The following LYPLAL1 variants were observed in gnomAD, a reference collection of about 807,000 sequenced individuals.
The protein encoded by LYPLAL1 is lysophospholipase-like protein 1.
LYPLAL1 carries 23 observed loss-of-function variants against 19.7 expected under a neutral mutation model. The observed-to-expected ratio is 1.17, with a 90% CI of 0.84 to 1.65. The LOEUF is 1.65. LYPLAL1 is among the 40% of genes most tolerant of loss of function. The pLI is 0.00. For missense variants in LYPLAL1, 355 were observed against 279.4 expected, an observed-to-expected ratio of 1.27 and a Z score of -1.93; for synonymous variants, 119 against 96.3, an observed-to-expected ratio of 1.24 and a Z score of -1.38.
the LYPLAL1 span, among the ~76,000 whole-genome samples, chr1:219,235,887 G>T: frequency 1.3e-5 from 2 of 152,122 alleles, no homozygotes; most frequent in African/African-American, 2.4e-5. Flanking sequence ...CCAAAGACAT[G>T]GTTCTGAGGT....
At chr1:219,324,130 A>G in the LYPLAL1 span, among the ~76,000 whole-genome samples, 1 of 152,192 alleles carries the variant, frequency 6.6e-6, no homozygotes, top group Non-Finnish European at 1.5e-5. Flanking sequence ...TTACCCTACA[A>G]GAAAACAGAA....
chr1:219,184,171 A>G (rs1656528657), intron 2 of LYPLAL1, among the ~76,000 whole-genome samples: 2 of 151,912 alleles, frequency 1.3e-5, no homozygotes, highest in African/African-American at 4.8e-5. Flanking sequence ...ATACATACAC[A>G]TGGTATGTCT....
chr1:219,391,106 G>T, the LYPLAL1 span, among the ~76,000 whole-genome samples: 1 of 152,136 alleles, frequency 6.6e-6, no homozygotes, highest in Non-Finnish European at 1.5e-5. Flanking sequence ...GCCTGGTCAA[G>T]AATAAAAGGT....
chr1:219,256,520 A>T, the LYPLAL1 span, among the ~76,000 whole-genome samples: 1 of 150,274 alleles, frequency 6.7e-6, no homozygotes, highest in Admixed American at 6.7e-5. Flanking sequence ...TAGTGCTGCT[A>T]CTTTTCCTTT....
the LYPLAL1 span, among the ~76,000 whole-genome samples, chr1:219,281,053 T>A: frequency 1.3e-5 from 2 of 151,986 alleles, no homozygotes; most frequent in African/African-American, 4.8e-5. Context: ...TCTCAAAAAA[T>A]AAATAAATAA....
At chr1:219,177,641 A>C (rs1292701243) in intron 1 of LYPLAL1, among the ~76,000 whole-genome samples, 33 of 152,174 alleles carry the variant, frequency 2.2e-4, no homozygotes, top group Non-Finnish European at 2.9e-5. Context: ...GACCCTTTAT[A>C]ACAAATCCGT....
At chr1:219,358,668 G>A in the LYPLAL1 span, among the ~76,000 whole-genome samples, 5 of 152,130 alleles carry the variant, frequency 3.3e-5, no homozygotes, top group Non-Finnish European at 7.4e-5. Flanking sequence ...TTCACTATCA[G>A]GAGAACAGCA....
the LYPLAL1 span, among the ~76,000 whole-genome samples, chr1:219,314,329 G>T: frequency 6.6e-6 from 1 of 152,200 alleles, no homozygotes; most frequent in African/African-American, 2.4e-5. Flanking sequence ...TATTCCTTTG[G>T]GCATATACCC....
intron 2 of LYPLAL1, among the ~76,000 whole-genome samples, chr1:219,192,028 A>G (rs1657225062): frequency 6.6e-6 from 1 of 151,272 alleles, no homozygotes; most frequent in African/African-American, 2.4e-5. Flanking sequence ...GTGGATGTCC[A>G]TTTATTTTGG....
At chr1:219,292,849 T>G in the LYPLAL1 span, among the ~76,000 whole-genome samples, 1 of 152,132 alleles carries the variant, frequency 6.6e-6, no homozygotes, top group Non-Finnish European at 1.5e-5. Flanking sequence ...GCTATTGAAC[T>G]AGCCTGGCAG....
chr1:219,276,789 C>T, the LYPLAL1 span, among the ~76,000 whole-genome samples: 3 of 152,082 alleles, frequency 2.0e-5, no homozygotes, highest in African/African-American at 7.2e-5. Flanking sequence ...AGGAGAAGTA[C>T]GGAGGAAATT....
the LYPLAL1 span, among the ~76,000 whole-genome samples, chr1:219,302,659 A>G: frequency 2.6e-5 from 4 of 152,276 alleles, no homozygotes; most frequent in South Asian, 6.2e-4. Flanking sequence ...GTATCCAAAC[A>G]TACATTGCCT....
chr1:219,269,435 T>C, the LYPLAL1 span, among the ~76,000 whole-genome samples: 1 of 151,810 alleles, frequency 6.6e-6, no homozygotes, highest in Non-Finnish European at 1.5e-5. Flanking sequence ...GTGGAAATAG[T>C]GTGGTAATGT....
At chr1:219,280,127 C>T in the LYPLAL1 span, among the ~76,000 whole-genome samples, 1 of 152,148 alleles carries the variant, frequency 6.6e-6, no homozygotes, top group East Asian at 1.9e-4. Context: ...TAGGTGAATG[C>T]CATTTTCATC....
At chr1:219,279,942 G>A in the LYPLAL1 span, among the ~76,000 whole-genome samples, 4 of 152,112 alleles carry the variant, frequency 2.6e-5, no homozygotes, top group African/African-American at 9.7e-5. Context: ...AAATGGGGTA[G>A]AAGAAATTAC....
chr1:219,258,340 A>G, the LYPLAL1 span, among the ~76,000 whole-genome samples: 1 of 152,124 alleles, frequency 6.6e-6, no homozygotes, highest in Non-Finnish European at 1.5e-5. Context: ...CTAAGAAATT[A>G]TAAGGCACAA....
At chr1:219,441,846 G>A in the LYPLAL1 span, among the ~76,000 whole-genome samples, 1 of 152,092 alleles carries the variant, frequency 6.6e-6, no homozygotes, top group African/African-American at 2.4e-5. Flanking sequence ...CTTTGCCATA[G>A]CTTCAAGGGA....
chr1:219,220,843 C>T, the LYPLAL1 span, among the ~76,000 whole-genome samples: 1 of 152,130 alleles, frequency 6.6e-6, no homozygotes, highest in Non-Finnish European at 1.5e-5. Flanking sequence ...AAAAATACAA[C>T]AGATTAGTTT....
At chr1:219,437,110 T>C in the LYPLAL1 span, 1 of 152,408 alleles carries the variant, frequency 6.6e-6, no homozygotes, top group Non-Finnish European at 1.5e-5. Flanking sequence ...GAAGTAGCTG[T>C]AGTTTGCTTC....
Sources: gnomAD v4.1 joint callset for allele counts (sites outside exome capture counted in the v4.1 genomes callset) on GRCh38, gnomAD v4.1.1 for gene constraint, MANE v1.5 for transcripts, NCBI Gene and HGNC (gene_info 2026-07-23, HGNC 2026-07-21) for gene names.